SMC1A: variants seen among roughly 807,000 people sequenced by gnomAD.
SMC1A encodes structural maintenance of chromosomes protein 1A.
A neutral mutation model predicts 94.5 loss-of-function variants in SMC1A; 4 were observed. That is an observed-to-expected ratio of 0.04 (90% CI 0.02 to 0.10). The LOEUF (loss-of-function observed/expected upper bound fraction) is 0.10. SMC1A is among the 10% of genes least tolerant of loss of function. The pLI, the probability that SMC1A is intolerant of heterozygous loss-of-function variation, is 1.00. For synonymous variants in SMC1A, 345 were observed against 347.7 expected (o/e 0.99, Z 0.09); for missense variants, 304 against 989.0 (o/e 0.31, Z 9.29).
At chrX:53,409,018 G>A in intron 9 of SMC1A, 44 bp downstream of exon 9, 1 of 1,132,288 alleles carries the variant, frequency 8.8e-7, no homozygotes, top group Non-Finnish European at 1.2e-6. Flanking sequence ...TCGTGTGACA[G>A]TGAGTGTAAG....
Position 53,382,149 on chromosome X carries a change from ATC to A in SMC1A, c.3437+81_3437+82del, listed in dbSNP as rs1174092048. 7.5e-5 allele frequency: 79 copies of A among 1,057,021 alleles called. No individual in the cohort carries two copies. The African/African-American group carries it at 1.3e-3, about 17-fold the overall frequency. 87.1% of individuals were successfully genotyped at this position (1,057,021 alleles called of 1,213,427 possible). The stretch of plus-strand genomic sequence containing the variant: ...TTCCACCAAACCATCACCTTCGCAG[ATC>A]TCTGTGTATCCTTGGGCCCCAGAGC... On this transcript the variant is annotated intron_variant, in intron 22 of 24. Coordinates refer to ENST00000322213, the MANE Select transcript of SMC1A (RefSeq NM_006306.4).
intron 21 of SMC1A, 46 bp from the exon 22 acceptor site, chrX:53,382,429 G>A (rs2075587154): frequency 8.4e-7 from 1 of 1,195,348 alleles, no homozygotes; most frequent in Admixed American, 2.3e-5. Context: ...AGACTGGATG[G>A]AGATAGGGAC....
chrX:53,407,289 G>A (rs1252205208), intron 9 of SMC1A, among the ~76,000 whole-genome samples: 1 of 111,488 alleles, frequency 9.0e-6, no homozygotes, highest in Non-Finnish European at 1.9e-5. Flanking sequence ...GGAGGGGAGA[G>A]GGGCTGAAGG....
chrX:53,399,677 T>C lies in SMC1A; in HGVS notation c.2474A>G (p.Lys825Arg), dbSNP rs1239141587. ...ATCTTGGTCCTCCTTCAGTTGGTTC[T>C]TTTCAAAATCCAACTGAATGCCCAA... is the stretch of plus-strand genomic sequence containing the variant. Reference protein sequence around the residue: ...TRLGIQLDFEKNQLKEDQDKV... With the variant: ...TRLGIQLDFERNQLKEDQDKV... Residue 825 changes from lysine (K) to arginine (R), a missense_variant, in exon 16 of 25, where the codon AAG becomes AGG. By Grantham distance (26) the Lys-to-Arg change is conservative (BLOSUM62 2). Transcript: ENST00000322213. 1 of 1,207,262 alleles carries C rather than the reference T, an allele frequency of 8.3e-7. No homozygotes were observed. Among genetic ancestry groups the C allele is most frequent in the Non-Finnish European group, 1.1e-6 (1 of 892,836 alleles).
At chrX:53,387,505 C>CA (rs1313688567) in intron 19 of SMC1A, among the ~76,000 whole-genome samples, 48 of 111,646 alleles carry the variant, frequency 4.3e-4, no homozygotes, top group African/African-American at 1.5e-3. Flanking sequence ...TTTCCTTCAA[C>CA]AAAAAAACCG....
rs782366028 is a variant in SMC1A, at chrX:53,413,418, A to G, written c.429T>C (p.Ile143=). ...FLVFQGAVES[I]AMKNPKERTA... ...TCCTCTCTTTGGGGTTCTTCATGGC[A>G]ATAGATTCCACAGCACCCTAGTAAA... The change falls in exon 4 of 25, where the codon ATT becomes ATC. Residue 143 remains isoleucine (I), a synonymous_variant. Coordinates refer to ENST00000322213, the MANE Select transcript of SMC1A (RefSeq NM_006306.4). The G allele has an allele frequency of 2.6e-5, 32 of 1,208,411 alleles. No individual in the cohort carries two copies. Among genetic ancestry groups the G allele is most frequent in the Non-Finnish European group, 3.5e-5 (31 of 894,450 alleles).
intron 1 of SMC1A, among the ~76,000 whole-genome samples, chrX:53,418,834 G>C (rs2075742560): frequency 9.0e-6 from 1 of 111,382 alleles, no homozygotes; most frequent in African/African-American, 3.2e-5. Flanking sequence ...CCTGAGGTCA[G>C]GAGTTTGAGA....
At chrX:53,411,000 T>C (rs1348442672) in intron 7 of SMC1A, among the ~76,000 whole-genome samples, 1 of 98,548 alleles carries the variant, frequency 1.0e-5, no homozygotes, top group Non-Finnish European at 2.0e-5. Flanking sequence ...GAGGCTCTGG[T>C]TGGAAGATTG....
intron 3 of SMC1A, among the ~76,000 whole-genome samples, chrX:53,414,163 CA>C (rs2075723876): frequency 9.1e-6 from 1 of 109,925 alleles, no homozygotes; most frequent in Admixed American, 9.7e-5. Flanking sequence ...AAGTAATATG[CA>C]AAGACCTGTA....
rs1556890554 is a variant in SMC1A, at chrX:53,411,758, C to T, written c.1254+3G>A. The T allele has an allele frequency of 4.1e-6, 5 of 1,210,493 alleles. No homozygotes were observed. Among genetic ancestry groups the T allele is most frequent in the Non-Finnish European group, 5.6e-6 (5 of 894,528 alleles). On this transcript the variant is annotated splice_donor_region_variant and intron_variant, in intron 7 of 24. Transcript: ENST00000322213. Reference sequence around the variant, plus strand: ...CATCCCTAATCTTATAACTATAGCCCACCTCTGTCTCTACTTTCTTCCGTT... The same window carrying T: ...CATCCCTAATCTTATAACTATAGCCTACCTCTGTCTCTACTTTCTTCCGTT...
At position 53,381,996 on chromosome X, in the gene SMC1A, C is replaced by T. The variant is rs782156738; in HGVS notation, c.3437+236G>A. Reference sequence around the variant, plus strand: ...AACCTCGTGAGCAAAAGCCTGGAGGCGGAACTAAATACATGCAGAGGCCGG... The same window carrying T: ...AACCTCGTGAGCAAAAGCCTGGAGGTGGAACTAAATACATGCAGAGGCCGG... On this transcript the variant is annotated intron_variant, in intron 22 of 24. Transcript: ENST00000322213. The T allele has an allele frequency of 5.9e-4, 257 of 437,669 alleles. 1 individual carries two copies. The highest frequency in any genetic ancestry group is 9.2e-4 in the Non-Finnish European group (231 of 251,707). The allele number at this position is 437,669 out of a possible 1,213,427, so 36.1% of individuals were successfully genotyped here.
upstream of SMC1A, chrX:53,422,698 C>T: frequency 3.5e-6 from 2 of 573,311 alleles, no homozygotes; most frequent in South Asian, 4.5e-5. Context: ...GCCGGGCGAC[C>T]GGCAAATGTC....
intron 19 of SMC1A, among the ~76,000 whole-genome samples, chrX:53,383,654 C>A (rs1556886185): frequency 1.8e-5 from 2 of 112,651 alleles, no homozygotes; most frequent in African/African-American, 6.5e-5. Context: ...ATAAGTAAGG[C>A]AATTCACGTT....
intron 19 of SMC1A, among the ~76,000 whole-genome samples, chrX:53,387,150 C>T (rs2075607595): frequency 9.0e-6 from 1 of 111,302 alleles, no homozygotes; most frequent in Non-Finnish European, 1.9e-5. Context: ...CGCCTGCCAC[C>T]ACGCCCGGCT....
chrX:53,399,424 A>G (rs782578314), intron 16 of SMC1A, among the ~76,000 whole-genome samples, 165 bp downstream of exon 16: 120 of 111,805 alleles, frequency 1.1e-3, no homozygotes, highest in African/African-American at 3.8e-3. Flanking sequence ...GTCTTCTTGA[A>G]CTGTTTGTGA....
chrX:53,397,019 C>T (rs921711374), intron 16 of SMC1A, among the ~76,000 whole-genome samples: 3 of 109,812 alleles, frequency 2.7e-5, no homozygotes, highest in African/African-American at 9.9e-5. Context: ...TTTTTTTCTA[C>T]ATCAAAACTT....
chrX:53,418,147 C>CA (rs2146609066), intron 1 of SMC1A, among the ~76,000 whole-genome samples: 1 of 112,192 alleles, frequency 8.9e-6, no homozygotes, highest in African/African-American at 3.2e-5. Context: ...AATCCGAAAA[C>CA]AAAAAAGGTT....
intron 1 of SMC1A, among the ~76,000 whole-genome samples, chrX:53,420,977 G>A (rs2075752537): frequency 9.0e-6 from 1 of 111,644 alleles, no homozygotes; most frequent in Admixed American, 9.6e-5. Flanking sequence ...TCACCAAAGG[G>A]ACTAAAGGAA....
intron 1 of SMC1A, among the ~76,000 whole-genome samples, chrX:53,415,707 G>A (rs1380078642): frequency 3.7e-5 from 4 of 106,884 alleles, no homozygotes; most frequent in African/African-American, 6.8e-5. Context: ...AGTGGCATGC[G>A]CCTGTAGTCT....
Sources: allele counts gnomAD v4.1 joint callset (sites outside exome capture counted in the v4.1 genomes callset), GRCh38; gene constraint gnomAD v4.1.1; transcripts MANE v1.5; gene names NCBI Gene and HGNC (gene_info 2026-07-23, HGNC 2026-07-21).